Variants in THSD7B observed in about 807,000 individuals in gnomAD.
THSD7B encodes thrombospondin type 1 domain containing 7B, also known as thrombospondin type-1 domain-containing protein 7B.
A neutral mutation model predicts 213.6 loss-of-function variants in THSD7B; 138 were observed. The observed-to-expected ratio is 0.65, with a 90% CI of 0.56 to 0.74. The LOEUF (loss-of-function observed/expected upper bound fraction) is 0.74. Among genes scored for constraint, THSD7B ranks in the 30% least tolerant of loss-of-function variants. THSD7B has a pLI of 0.00. For missense variants in THSD7B, 1,931 were observed against 1,991.5 expected, an observed-to-expected ratio of 0.97 and a Z score of 0.58; for synonymous variants, 742 against 687.0, an observed-to-expected ratio of 1.08 and a Z score of -1.25.
chr2:137,025,086 C>T (rs1181069381), intron 2 of THSD7B, among the ~76,000 whole-genome samples: 1 of 152,158 alleles, frequency 6.6e-6, no homozygotes, highest in East Asian at 1.9e-4. Flanking sequence ...TGCTCAGAAA[C>T]TCTTCTGCTG....
intron 14 of THSD7B, among the ~76,000 whole-genome samples, chr2:137,422,617 A>G (rs2105028183): frequency 6.6e-6 from 1 of 152,304 alleles, no homozygotes; most frequent in East Asian, 1.9e-4. Context: ...ATTTTCCTAT[A>G]TATCAGTTTA....
At chr2:137,556,304 T>C (rs1680965550) in intron 15 of THSD7B, among the ~76,000 whole-genome samples, 1 of 152,100 alleles carries the variant, frequency 6.6e-6, no homozygotes, top group African/African-American at 2.4e-5. Flanking sequence ...AAGGTCGGGT[T>C]ACCCACAAAG....
At chr2:136,961,423 T>C (rs529689874) in intron 2 of THSD7B, among the ~76,000 whole-genome samples, 2 of 152,012 alleles carry the variant, frequency 1.3e-5, no homozygotes, top group East Asian at 3.9e-4. Flanking sequence ...GGTTTCACCA[T>C]GTTAGCCAGG....
intron 1 of THSD7B, among the ~76,000 whole-genome samples, chr2:136,859,207 T>A (rs967414819): frequency 1.3e-5 from 2 of 152,242 alleles, no homozygotes; most frequent in African/African-American, 4.8e-5. Flanking sequence ...ATCTTCACTA[T>A]GAACAATGCT....
At position 137,645,359 on chromosome 2, in the gene THSD7B, G is replaced by A. The variant is rs1683011273; in HGVS notation, c.3945+2726G>A. 2.0e-5 allele frequency among the ~76,000 whole-genome samples: 3 copies of A among 152,158 alleles called. No homozygotes were observed. In the South Asian group the frequency reaches 6.2e-4, roughly 31 times the overall value. ...ACCTCTATTAATGCTCTAGGCAATG[G>A]AGAGTTAACGAGAAAACCTGTGCCA... On this transcript the variant is annotated intron_variant, in intron 21 of 27. Coordinates refer to ENST00000409968, the MANE Select transcript of THSD7B (RefSeq NM_001316349.2).
At chr2:137,392,969 T>C (rs987448572) in intron 12 of THSD7B, among the ~76,000 whole-genome samples, 1 of 152,004 alleles carries the variant, frequency 6.6e-6, no homozygotes, top group Admixed American at 6.6e-5. Flanking sequence ...CAACCTTTCA[T>C]TTCCATGTTT....
intron 15 of THSD7B, 39 bp from the exon 16 acceptor site, chr2:137,563,182 T>C (rs1681157872): frequency 6.2e-7 from 1 of 1,601,238 alleles, no homozygotes; most frequent in African/African-American, 1.3e-5. Flanking sequence ...ATAAGTTGGA[T>C]AGTTCCACAT....
chr2:137,305,093 C>T (rs1168237245), intron 12 of THSD7B, among the ~76,000 whole-genome samples: 1 of 152,062 alleles, frequency 6.6e-6, no homozygotes. Context: ...CCTGAGGTGG[C>T]AAGTTTTCTG....
chr2:137,089,856 A>G (rs916379938), intron 3 of THSD7B, among the ~76,000 whole-genome samples: 1 of 151,978 alleles, frequency 6.6e-6, no homozygotes, highest in Non-Finnish European at 1.5e-5. Context: ...AAAAATACAA[A>G]AAATTAGCCG....
chr2:137,645,856 A>G (rs1233803704), intron 21 of THSD7B, among the ~76,000 whole-genome samples: 1 of 152,186 alleles, frequency 6.6e-6, no homozygotes, highest in Non-Finnish European at 1.5e-5. Flanking sequence ...AATCTATCAT[A>G]TGGAATAATA....
At chr2:137,137,574 T>G (rs2104960522) in intron 5 of THSD7B, among the ~76,000 whole-genome samples, 1 of 152,286 alleles carries the variant, frequency 6.6e-6, no homozygotes, top group East Asian at 1.9e-4. Flanking sequence ...GCTGTATAGG[T>G]TTACAGCCTA....
intron 27 of THSD7B, among the ~76,000 whole-genome samples, chr2:137,669,944 A>ACAT (rs1303237987): frequency 1.3e-5 from 2 of 152,200 alleles, no homozygotes; most frequent in African/African-American, 2.4e-5. Flanking sequence ...TTAATTAGGT[A>ACAT]CATCATTGAA....
At chr2:137,019,535 C>T (rs931532824) in intron 2 of THSD7B, among the ~76,000 whole-genome samples, 3 of 152,108 alleles carry the variant, frequency 2.0e-5, no homozygotes, top group African/African-American at 7.2e-5. Flanking sequence ...AATTATTTGC[C>T]TTTGTCTGTC....
chr2:137,253,655 C>CA (rs1335542380), intron 10 of THSD7B, among the ~76,000 whole-genome samples: 1 of 152,140 alleles, frequency 6.6e-6, no homozygotes, highest in Non-Finnish European at 1.5e-5. Context: ...CCAAGGTACC[C>CA]ATTCTAATTA....
At chr2:137,336,596 C>T (rs1227331278) in intron 12 of THSD7B, among the ~76,000 whole-genome samples, 3 of 152,236 alleles carry the variant, frequency 2.0e-5, no homozygotes, top group African/African-American at 7.2e-5. Context: ...GTTGCAATAA[C>T]AGCAGTTCTT....
intron 20 of THSD7B, among the ~76,000 whole-genome samples, chr2:137,629,700 A>T (rs1288697840): frequency 6.6e-6 from 1 of 152,200 alleles, no homozygotes; most frequent in Non-Finnish European, 1.5e-5. Flanking sequence ...AACTACTTGG[A>T]GAAATGAAGT....
chr2:137,153,408 T>C (rs1679853616), intron 5 of THSD7B, among the ~76,000 whole-genome samples: 1 of 152,198 alleles, frequency 6.6e-6, no homozygotes. Flanking sequence ...TTTTTATATA[T>C]TAAATCTGCT....
At chr2:137,196,223 A>T (rs1166737553) in intron 7 of THSD7B, among the ~76,000 whole-genome samples, 1 of 152,168 alleles carries the variant, frequency 6.6e-6, no homozygotes, top group Non-Finnish European at 1.5e-5. Context: ...GAAAACATTT[A>T]AAAAGCCCTC....
intron 2 of THSD7B, among the ~76,000 whole-genome samples, chr2:136,931,357 G>C (rs1684624274): frequency 6.6e-6 from 1 of 152,128 alleles, no homozygotes; most frequent in Non-Finnish European, 1.5e-5. Context: ...ATCTGGTCAA[G>C]GTTAAATTGC....
Sources: gnomAD v4.1 joint callset for allele counts (sites outside exome capture counted in the v4.1 genomes callset) on GRCh38, gnomAD v4.1.1 for gene constraint, MANE v1.5 for transcripts, NCBI Gene and HGNC (gene_info 2026-07-23, HGNC 2026-07-21) for gene names.